Variants in ROBO2 observed in about 807,000 individuals in gnomAD.
ROBO2 encodes the protein roundabout homolog 2.
Under a neutral mutation model 160.8 loss-of-function variants are expected in ROBO2, and 53 were observed. The observed-to-expected ratio is 0.33, with a 90% CI of 0.26 to 0.41. The LOEUF is 0.41. ROBO2 is among the 10% of genes least tolerant of loss of function. The probability of loss-of-function intolerance (pLI) is 1.00; values close to 1 mark genes in which losing one functional copy is unlikely to be tolerated. For missense variants in ROBO2, 1,577 were observed against 1,722.4 expected, an observed-to-expected ratio of 0.92 and a Z score of 1.49; for synonymous variants, 664 against 611.7, an observed-to-expected ratio of 1.09 and a Z score of -1.26.
chr3:77,167,124 A>C (rs989364337), intron 2 of ROBO2, among the ~76,000 whole-genome samples: 1 of 152,174 alleles, frequency 6.6e-6, no homozygotes, highest in Non-Finnish European at 1.5e-5. Flanking sequence ...GCCCCTTTAG[A>C]CCTAAATATC....
chr3:76,480,212 A>G (rs2079138032), intron 2 of ROBO2, among the ~76,000 whole-genome samples: 1 of 152,144 alleles, frequency 6.6e-6, no homozygotes, highest in Non-Finnish European at 1.5e-5. Context: ...ATGATTACAC[A>G]TTCACTTTTC....
chr3:77,332,190 C>G (rs943525928), intron 2 of ROBO2, among the ~76,000 whole-genome samples: 4 of 152,102 alleles, frequency 2.6e-5, no homozygotes, highest in African/African-American at 9.7e-5. Flanking sequence ...ATTTTTATGT[C>G]TATTGCCTAA....
chr3:76,941,863 A>T (rs1184319745), intron 2 of ROBO2, among the ~76,000 whole-genome samples: 2 of 152,204 alleles, frequency 1.3e-5, no homozygotes, highest in Non-Finnish European at 2.9e-5. Flanking sequence ...GACTGACCAG[A>T]GAAACTTAAA....
chr3:77,056,231 G>A (rs1446682198), intron 1 of ROBO2, among the ~76,000 whole-genome samples: 1 of 152,162 alleles, frequency 6.6e-6, no homozygotes, highest in East Asian at 1.9e-4. Flanking sequence ...ATGTAGCTAA[G>A]ACTTTCTTTG....
chr3:76,025,438 G>C (rs567948812), intron 2 of ROBO2, among the ~76,000 whole-genome samples: 1 of 151,636 alleles, frequency 6.6e-6, no homozygotes, highest in Non-Finnish European at 1.5e-5. Flanking sequence ...GAAGTGAAGG[G>C]CAGGGTGAAA....
rs1410044214 is a variant in ROBO2 at position 77,632,586 on chromosome 3, T to C, written c.3761-2284T>C. On this transcript the variant is annotated intron_variant, in intron 23 of 25. Transcript: ENST00000461745. ...GCTCTATCTTTGCCAGCGGCAGTTT[T>C]GCACAAGCACTGGTGGCAGCAGCAG... The C allele has an allele frequency of 2.0e-6, 3 of 1,535,744 alleles. No individual in the cohort carries two copies. The African/African-American group carries it at 4.1e-5, about 21-fold the overall frequency.
intron 2 of ROBO2, among the ~76,000 whole-genome samples, chr3:77,290,045 T>G (rs575943426): frequency 6.7e-6 from 1 of 149,426 alleles, no homozygotes; most frequent in Non-Finnish European, 1.5e-5. Flanking sequence ...ATTAAATGGG[T>G]AAGCTGAGGC....
chr3:77,061,980 A>T (rs946076758), intron 1 of ROBO2, among the ~76,000 whole-genome samples: 2 of 152,160 alleles, frequency 1.3e-5, no homozygotes, highest in South Asian at 4.1e-4. Flanking sequence ...GTGAGCAGGT[A>T]AACCAGTGAA....
chr3:77,483,202 T>C (rs4684012), intron 4 of ROBO2, among the ~76,000 whole-genome samples: 79,289 of 151,818 alleles, frequency 0.52, 21,048 homozygotes, highest in Admixed American at 0.63. Context: ...AAGTACAAGA[T>C]TAAGTTGAAG....
intron 2 of ROBO2, among the ~76,000 whole-genome samples, chr3:76,568,956 G>A (rs942583637): frequency 1.3e-5 from 2 of 152,170 alleles, no homozygotes; most frequent in Non-Finnish European, 2.9e-5. Context: ...TAGTCCCTAT[G>A]AGTAACAAGA....
At chr3:77,110,389 C>G (rs568924691) in intron 2 of ROBO2, among the ~76,000 whole-genome samples, 1 of 152,064 alleles carries the variant, frequency 6.6e-6, no homozygotes, top group Non-Finnish European at 1.5e-5. Flanking sequence ...CATTTGCTGA[C>G]TTAGATAGTT....
intron 2 of ROBO2, among the ~76,000 whole-genome samples, chr3:77,285,803 C>A (rs2060548634): frequency 6.6e-6 from 1 of 151,986 alleles, no homozygotes; most frequent in Non-Finnish European, 1.5e-5. Flanking sequence ...AATGAACAAA[C>A]AAAAAATCCA....
At chr3:77,503,900 T>C (rs191844721) in intron 5 of ROBO2, among the ~76,000 whole-genome samples, 47 of 152,310 alleles carry the variant, frequency 3.1e-4, no homozygotes, top group Non-Finnish European at 5.3e-4. Flanking sequence ...ATATCTTTGT[T>C]AGTGTATGAA....
At chr3:77,356,510 AAGAAAT>A (rs369431733) in intron 2 of ROBO2, among the ~76,000 whole-genome samples, 60 of 152,304 alleles carry the variant, frequency 3.9e-4, no homozygotes, top group African/African-American at 1.4e-3. Flanking sequence ...TGTAGACGAA[AAGAAAT>A]ACATTTTTCT....
At chr3:76,634,909 A>T (rs964567936) in intron 2 of ROBO2, among the ~76,000 whole-genome samples, 1 of 152,196 alleles carries the variant, frequency 6.6e-6, no homozygotes, top group Non-Finnish European at 1.5e-5. Context: ...GGATTCTCAT[A>T]GGAGTGTGAA....
intron 2 of ROBO2, among the ~76,000 whole-genome samples, chr3:76,871,329 C>G (rs544699526): frequency 6.6e-6 from 1 of 151,616 alleles, no homozygotes; most frequent in Non-Finnish European, 1.5e-5. Context: ...CCGAGGCAGG[C>G]GGATCACGAG....
At chr3:75,927,636 A>G (rs1159507410) in intron 1 of ROBO2, among the ~76,000 whole-genome samples, 1 of 152,216 alleles carries the variant, frequency 6.6e-6, no homozygotes, top group Admixed American at 6.5e-5. Context: ...AGAACAAAAA[A>G]AGACACTTTT....
intron 2 of ROBO2, among the ~76,000 whole-genome samples, chr3:76,678,965 T>A (rs2092483966): frequency 6.6e-6 from 1 of 152,196 alleles, no homozygotes; most frequent in Non-Finnish European, 1.5e-5. Context: ...GTTGTCATAT[T>A]TAGGCTAGCT....
At chr3:77,560,205 G>T (rs2153660183) in intron 9 of ROBO2, among the ~76,000 whole-genome samples, 1 of 152,146 alleles carries the variant, frequency 6.6e-6, no homozygotes, top group Non-Finnish European at 1.5e-5. Context: ...TCTCTGAGAT[G>T]CCAGCTCCTT....
Sources: gnomAD v4.1 joint callset for allele counts (sites outside exome capture counted in the v4.1 genomes callset) on GRCh38, gnomAD v4.1.1 for gene constraint, MANE v1.5 for transcripts, NCBI Gene and HGNC (gene_info 2026-07-23, HGNC 2026-07-21) for gene names.